Variants in TMTC2 observed in about 807,000 individuals in gnomAD.
TMTC2 encodes protein O-mannosyl-transferase TMTC2.
Under a neutral mutation model 82.4 loss-of-function variants are expected in TMTC2, and 43 were observed. The observed-to-expected ratio is 0.52, with a 90% CI of 0.41 to 0.67. The LOEUF is 0.67. Among genes scored for constraint, TMTC2 ranks in the 30% least tolerant of loss-of-function variants. The pLI, the probability that TMTC2 is intolerant of heterozygous loss-of-function variation, is 0.00. For synonymous variants in TMTC2, 408 were observed against 381.9 expected, an observed-to-expected ratio of 1.07 and a Z score of -0.80; for missense variants, 919 against 1,012.4, an observed-to-expected ratio of 0.91 and a Z score of 1.25.
At chr12:82,814,894 G>C (rs377116165) in intron 1 of TMTC2, among the ~76,000 whole-genome samples, 1 of 152,116 alleles carries the variant, frequency 6.6e-6, no homozygotes, top group African/African-American at 2.4e-5. Flanking sequence ...TAGCTCAGGG[G>C]AAAGTTGAAA....
intron 1 of TMTC2, among the ~76,000 whole-genome samples, chr12:82,704,670 T>G (rs181650029): frequency 1.3e-5 from 2 of 152,242 alleles, no homozygotes; most frequent in East Asian, 1.9e-4. Context: ...TATTTTTTTT[T>G]GTTCACTTAA....
At chr12:82,919,076 C>A (rs879141893) in intron 3 of TMTC2, among the ~76,000 whole-genome samples, 7 of 152,152 alleles carry the variant, frequency 4.6e-5, no homozygotes, top group Non-Finnish European at 7.4e-5. Flanking sequence ...CAAAACAAAA[C>A]AACACAAAGA....
At chr12:83,061,483 A>T (rs1194370003) in intron 10 of TMTC2, among the ~76,000 whole-genome samples, 1 of 151,722 alleles carries the variant, frequency 6.6e-6, no homozygotes, top group African/African-American at 2.4e-5. Flanking sequence ...ATAATATATT[A>T]CCTAGTTTTG....
At position 83,055,732 on chromosome 12, in the gene TMTC2, G is replaced by T. The variant is rs1254677935; in HGVS notation, c.2267+4714G>T. ...TGTGTGTGTGTGTGTGTGTGTGTGT[G>T]TATGTGTGTGTGTTTAATCTACTTA... On this transcript the variant is annotated intron_variant, in intron 10 of 11. Coordinates refer to ENST00000321196, the MANE Select transcript of TMTC2 (RefSeq NM_152588.3). Among the ~76,000 whole-genome samples, 11 of 148,316 alleles carry T rather than the reference G, an allele frequency of 7.4e-5. No individual in the cohort carries two copies. In the Admixed American group the frequency reaches 7.4e-4, roughly 10 times the overall value.
intron 1 of TMTC2, among the ~76,000 whole-genome samples, chr12:82,761,760 G>T (rs777770810): frequency 2.0e-5 from 3 of 152,054 alleles, no homozygotes; most frequent in Non-Finnish European, 2.9e-5. Flanking sequence ...TCAGTGAAGG[G>T]TTTGCAGTGC....
At chr12:82,833,715 A>G (rs1360404536) in intron 1 of TMTC2, among the ~76,000 whole-genome samples, 1 of 152,162 alleles carries the variant, frequency 6.6e-6, no homozygotes, top group Admixed American at 6.5e-5. Flanking sequence ...GCTTTAAGAA[A>G]CTATAATGCT....
intron 11 of TMTC2, among the ~76,000 whole-genome samples, chr12:83,124,072 C>A (rs1030924400): frequency 3.3e-5 from 5 of 152,144 alleles, no homozygotes; most frequent in Non-Finnish European, 7.4e-5. Flanking sequence ...ATAACAGTTT[C>A]ACCTCCCTCT....
chr12:82,859,360 C>A lies in TMTC2; in HGVS notation c.654+1780C>A, dbSNP rs573477924. On this transcript the variant is annotated intron_variant, in intron 2 of 11. Coordinates refer to ENST00000321196, the MANE Select transcript of TMTC2 (RefSeq NM_152588.3). ...GGATTACAGGTGTGAGCCACCGCAC[C>A]CGGTTGTGATTTCTTTTACAGAATT... Among the ~76,000 whole-genome samples the A allele has an allele frequency of 3.3e-5, 5 of 152,210 alleles. 1 individual carries two copies. The South Asian group carries it at 1.0e-3, about 32-fold the overall frequency.
At chr12:82,868,882 T>A (rs1034068032) in intron 2 of TMTC2, among the ~76,000 whole-genome samples, 1 of 152,068 alleles carries the variant, frequency 6.6e-6, no homozygotes, top group African/African-American at 2.4e-5. Flanking sequence ...TTTTCTCACC[T>A]CCTGGAGCGA....
intron 1 of TMTC2, among the ~76,000 whole-genome samples, chr12:82,807,381 T>G (rs896994966): frequency 4.6e-5 from 7 of 152,074 alleles, no homozygotes; most frequent in Non-Finnish European, 8.8e-5. Context: ...AAAAGAAGGG[T>G]AACTAGTTCC....
intron 7 of TMTC2, among the ~76,000 whole-genome samples, chr12:82,979,609 A>G (rs539399613): frequency 4.6e-5 from 7 of 151,890 alleles, no homozygotes; most frequent in African/African-American, 1.7e-4. Flanking sequence ...AGATATGAGT[A>G]ATTATGTACC....
At chr12:82,783,090 T>C (rs1013396379) in intron 1 of TMTC2, among the ~76,000 whole-genome samples, 1 of 152,064 alleles carries the variant, frequency 6.6e-6, no homozygotes, top group Non-Finnish European at 1.5e-5. Flanking sequence ...GCAAATGAAC[T>C]TGGATGCTAA....
rs570334651 is a variant in TMTC2, at chr12:83,104,495, G to A, written c.2332-27715G>A. Among the ~76,000 whole-genome samples, 44 of 152,308 alleles carry A rather than the reference G, an allele frequency of 2.9e-4. No homozygotes were observed. In the South Asian group the frequency reaches 4.8e-3, roughly 16 times the overall value. ...TTCCCTGCAGGCTTAACATTATGTG[G>A]AAGCTGCCAAAACTTACAGCTTGCA... is the stretch of plus-strand genomic sequence containing the variant. On this transcript the variant is annotated intron_variant, in intron 11 of 11. Coordinates refer to ENST00000321196, the MANE Select transcript of TMTC2 (RefSeq NM_152588.3).
intron 2 of TMTC2, among the ~76,000 whole-genome samples, chr12:82,858,068 A>C (rs1252179737): frequency 6.6e-6 from 1 of 152,212 alleles, no homozygotes; most frequent in African/African-American, 2.4e-5. Flanking sequence ...ATTCTTAAAC[A>C]ATGAATCATA....
At chr12:82,873,052 T>G (rs1238538656) in intron 2 of TMTC2, among the ~76,000 whole-genome samples, 1 of 152,192 alleles carries the variant, frequency 6.6e-6, no homozygotes, top group Non-Finnish European at 1.5e-5. Flanking sequence ...TTTAATACTT[T>G]TATTGAGATG....
At chr12:82,827,539 A>G (rs1389222020) in intron 1 of TMTC2, among the ~76,000 whole-genome samples, 2 of 152,200 alleles carry the variant, frequency 1.3e-5, no homozygotes, top group Non-Finnish European at 2.9e-5. Context: ...ATTGTATCCT[A>G]GTATATTGTG....
intron 9 of TMTC2, among the ~76,000 whole-genome samples, chr12:83,047,380 G>A (rs367762943): frequency 5.3e-5 from 8 of 152,252 alleles, no homozygotes; most frequent in African/African-American, 1.7e-4. Context: ...CTATGTATTC[G>A]AAATGTTTAT....
chr12:82,857,589 T>C lies in TMTC2; in HGVS notation c.654+9T>C. On this transcript the variant is annotated intron_variant, in intron 2 of 11. Coordinates refer to ENST00000321196, the MANE Select transcript of TMTC2 (RefSeq NM_152588.3). ...TACCTACCATTTACAAAGTAAGTGA[T>C]TGTTGGCTCTTGAGCATTGGATTAC... 1 of 1,586,336 alleles carries C rather than the reference T, an allele frequency of 6.3e-7. No homozygotes were observed. The highest frequency in any genetic ancestry group is 8.6e-7 in the Non-Finnish European group (1 of 1,165,532).
At chr12:83,091,625 T>G (rs1042089616) in intron 11 of TMTC2, among the ~76,000 whole-genome samples, 1 of 152,244 alleles carries the variant, frequency 6.6e-6, no homozygotes, top group African/African-American at 2.4e-5. Flanking sequence ...TGGCTACTAC[T>G]GTGGTAATAA....
Sources: gnomAD v4.1 joint callset for allele counts (sites outside exome capture counted in the v4.1 genomes callset) on GRCh38, gnomAD v4.1.1 for gene constraint, MANE v1.5 for transcripts, NCBI Gene and HGNC (gene_info 2026-07-23, HGNC 2026-07-21) for gene names.